INTS4: variants seen among roughly 807,000 people sequenced by gnomAD.
The protein encoded by INTS4 is MSTP093.
Under a neutral mutation model 119.5 loss-of-function variants are expected in INTS4, and 70 were observed. The observed-to-expected ratio is 0.59, with a 90% CI of 0.48 to 0.71. The LOEUF is 0.71. Among genes scored for constraint, INTS4 ranks in the 30% least tolerant of loss-of-function variants. The probability of loss-of-function intolerance (pLI) is 0.00; values close to 1 mark genes in which losing one functional copy is unlikely to be tolerated. For missense variants in INTS4, 867 were observed against 1,173.2 expected (o/e 0.74, Z 3.81); for synonymous variants, 316 against 419.6 (o/e 0.75, Z 3.02).
intron 16 of INTS4, 99 bp downstream of exon 16, chr11:77,907,618 A>C (rs1049423290): frequency 1.3e-6 from 1 of 789,168 alleles, no homozygotes; most frequent in African/African-American, 1.7e-5. Context: ...TGGTTGCATT[A>C]AGACCATAAG....
chr11:77,963,352 C>CAAAAA lies in INTS4; in HGVS notation c.472-2219_472-2215dup, dbSNP rs777966254. 4.1e-3 allele frequency: 715 copies of CAAAAA among 175,564 alleles called. 5 individuals carry two copies. The highest frequency in any genetic ancestry group is 5.7e-3 in the South Asian group (144 of 25,266). The allele number at this position is 175,564 out of a possible 1,614,324, so 10.9% of individuals were successfully genotyped here. A position where few individuals can be genotyped will look rare whatever the true frequency, so the allele number is the denominator to read the frequency against. ...CCGGGCGCAGAACGAGACTCCGTCT[C>CAAAAA]AAAAAAAAAAAAAAAAAAAAAACAA... On this transcript the variant is annotated intron_variant, in intron 4 of 22. Transcript: ENST00000534064.
chr11:77,978,059 T>G (rs1001383994), intron 4 of INTS4: 1 of 152,032 alleles, frequency 6.6e-6, no homozygotes, highest in Admixed American at 6.6e-5. Flanking sequence ...CGGCTAATTT[T>G]TTTTGTATTT....
At chr11:77,943,627 G>A in intron 8 of INTS4, among the ~76,000 whole-genome samples, 1 of 152,168 alleles carries the variant, frequency 6.6e-6, no homozygotes, top group Non-Finnish European at 1.5e-5. Context: ...CTTTAACCAA[G>A]ACAAATATGT....
chr11:77,949,049 C>T (rs1480455253), intron 8 of INTS4, among the ~76,000 whole-genome samples: 1 of 152,038 alleles, frequency 6.6e-6, no homozygotes, highest in African/African-American at 2.4e-5. Context: ...TTTGAGGTTG[C>T]TGTGAGCTAT....
intron 19 of INTS4, among the ~76,000 whole-genome samples, chr11:77,893,816 C>A (rs1332665380): frequency 4.0e-5 from 6 of 151,834 alleles, no homozygotes; most frequent in Non-Finnish European, 5.9e-5. Flanking sequence ...TCACTTGAAC[C>A]CAGGAGGCGG....
chr11:77,907,687 C>G, intron 16 of INTS4, 30 bp downstream of exon 16: 1 of 1,531,304 alleles, frequency 6.5e-7, no homozygotes. Flanking sequence ...TTTAGCAACA[C>G]AATCATAAAT....
chr11:77,961,141 A>G lies in INTS4; in HGVS notation c.472-3T>C. 5 of 1,253,406 alleles carry G rather than the reference A, an allele frequency of 4.0e-6. No homozygotes were observed. Among genetic ancestry groups the G allele is most frequent in the South Asian group, 1.9e-5 (1 of 53,736 alleles). 77.6% of individuals were successfully genotyped at this position (1,253,406 alleles called of 1,614,324 possible). On this transcript the variant is annotated splice_region_variant and splice_polypyrimidine_tract_variant and intron_variant, in intron 4 of 22. Transcript: ENST00000534064. ...CCATGAGACGTATCTGTCAGATGCT[A>G]TTAAAAAAAAAAAAAAAAAGAAAAA...
intron 10 of INTS4, among the ~76,000 whole-genome samples, chr11:77,937,098 T>A (rs1444082210): frequency 2.0e-5 from 3 of 151,180 alleles, no homozygotes; most frequent in Non-Finnish European, 4.4e-5. Context: ...TTGTCTGAAC[T>A]CAGGATGCAG....
intron 10 of INTS4, among the ~76,000 whole-genome samples, chr11:77,936,493 C>G (rs1180519666): frequency 1.3e-5 from 2 of 152,168 alleles, no homozygotes; most frequent in Non-Finnish European, 2.9e-5. Flanking sequence ...AGCAATCCTC[C>G]TGCCTCAGCC....
At chr11:77,914,318 T>C (rs3018158) in intron 15 of INTS4, among the ~76,000 whole-genome samples, 58,932 of 151,998 alleles carry the variant, frequency 0.39, 11,615 homozygotes, top group African/African-American at 0.43. Flanking sequence ...GATCACCAAA[T>C]TGGCTAGCTT....
intron 18 of INTS4, chr11:77,900,633 T>A (rs1952750335): frequency 2.9e-6 from 2 of 700,314 alleles, no homozygotes; most frequent in African/African-American, 3.5e-5. Context: ...TACTTTTTTG[T>A]ATCAAATCTA....
chr11:77,939,806 C>T (rs1953885459), intron 9 of INTS4, among the ~76,000 whole-genome samples: 1 of 151,578 alleles, frequency 6.6e-6, no homozygotes, highest in Admixed American at 6.6e-5. Context: ...GATCACACCA[C>T]TGCACTCCAG....
intron 3 of INTS4, among the ~76,000 whole-genome samples, chr11:77,980,303 T>TA (rs1287322062): frequency 6.6e-6 from 1 of 152,160 alleles, no homozygotes; most frequent in Admixed American, 6.5e-5. Context: ...GTAGCTACCA[T>TA]AAGAATTTTC....
chr11:77,888,212 T>G (rs147192295), intron 21 of INTS4, among the ~76,000 whole-genome samples: 3,394 of 152,186 alleles, frequency 0.022, 94 homozygotes, highest in African/African-American at 0.069. Context: ...CATGGTACTG[T>G]TACCAAAACA....
chr11:77,892,130 G>A (rs1318893880), intron 19 of INTS4, among the ~76,000 whole-genome samples: 4 of 152,000 alleles, frequency 2.6e-5, no homozygotes, highest in African/African-American at 7.3e-5. Context: ...TTTTATTTTC[G>A]TATTATAGAT....
intron 4 of INTS4, among the ~76,000 whole-genome samples, chr11:77,968,661 G>A (rs1266630831): frequency 6.6e-6 from 1 of 152,106 alleles, no homozygotes; most frequent in Non-Finnish European, 1.5e-5. Flanking sequence ...ATGTTAATCT[G>A]TATTTTATGA....
rs766249901 is a variant in INTS4, at chr11:77,979,052, T to C, written c.415A>G (p.Thr139Ala). Residue 139 changes from threonine to alanine, a missense_variant, in exon 4 of 23, where the codon ACT becomes GCT. This residue lies in a region of INTS4 where 224 missense variants were observed against 231.8 expected (regional missense o/e 0.97). Transcript: ENST00000534064. Reference sequence around the variant, plus strand: ...ATAGCTTGATTCTCTGGTAGCTTAGTGCCAATTGCAAGCAAAGTATCCAGC... The same window carrying C: ...ATAGCTTGATTCTCTGGTAGCTTAGCGCCAATTGCAAGCAAAGTATCCAGC... ...QLLDTLLAIG[T>A]KLPENQAIQM... is the part of the protein sequence containing the mutation. The C allele has an allele frequency of 2.5e-6, 4 of 1,613,372 alleles. No individual in the cohort carries two copies. The South Asian group carries it at 4.4e-5, about 18-fold the overall frequency.
chr11:77,939,071 A>G (rs1953867501), intron 9 of INTS4, among the ~76,000 whole-genome samples: 1 of 152,256 alleles, frequency 6.6e-6, no homozygotes, highest in Admixed American at 6.5e-5. Context: ...GTGTTAAGAA[A>G]GTCGGTTATG....
chr11:77,886,659 C>T (rs767025044), intron 21 of INTS4, among the ~76,000 whole-genome samples: 9 of 151,566 alleles, frequency 5.9e-5, no homozygotes, highest in South Asian at 2.1e-4. Context: ...ATGGGCTTGG[C>T]GGAATCAGCA....
Sources: gnomAD v4.1 joint callset for allele counts (sites outside exome capture counted in the v4.1 genomes callset) on GRCh38, gnomAD v4.1.1 for gene constraint, gnomAD v4.1.1 regional missense constraint, MANE v1.5 for transcripts, NCBI Gene and HGNC (gene_info 2026-07-23, HGNC 2026-07-21) for gene names.